Variants in CLYBL observed in about 807,000 individuals in gnomAD.
The protein encoded by CLYBL is citramalyl-CoA lyase, mitochondrial.
In CLYBL, 31 loss-of-function variants were observed where a neutral mutation model predicts 38.9. That is an observed-to-expected ratio of 0.80 (90% CI 0.60 to 1.08). The LOEUF (loss-of-function observed/expected upper bound fraction) is 1.08, where lower values mean the gene tolerates loss of function less well. Ranked by LOEUF, CLYBL falls within the 50% of genes least tolerant of loss-of-function variation. The probability of loss-of-function intolerance (pLI) is 0.00; values close to 1 mark genes in which losing one functional copy is unlikely to be tolerated. For synonymous variants in CLYBL, 171 were observed against 158.6 expected (o/e 1.08, Z -0.59); for missense variants, 434 against 411.6 (o/e 1.05, Z -0.47).
intron 7 of CLYBL, 74 bp from the exon 8 acceptor site, chr13:99,891,244 G>T: frequency 9.2e-7 from 1 of 1,084,918 alleles, no homozygotes; most frequent in Non-Finnish European, 1.4e-6. Context: ...TGTTCTTGTT[G>T]CACAAGTGTG....
At chr13:99,826,507 AC>A (rs2139054645) in intron 2 of CLYBL, among the ~76,000 whole-genome samples, 1 of 152,248 alleles carries the variant, frequency 6.6e-6, no homozygotes, top group East Asian at 1.9e-4. Flanking sequence ...TCCAGAGATT[AC>A]CTTTTTCTTT....
chr13:99,741,324 C>A (rs559510111), intron 1 of CLYBL, among the ~76,000 whole-genome samples: 1 of 152,288 alleles, frequency 6.6e-6, no homozygotes, highest in South Asian at 2.1e-4. Context: ...AGAAGGCACT[C>A]CTCTGTCACC....
intron 1 of CLYBL, among the ~76,000 whole-genome samples, chr13:99,658,989 A>G (rs1234215513): frequency 6.6e-6 from 1 of 152,218 alleles, no homozygotes; most frequent in African/African-American, 2.4e-5. Flanking sequence ...TACATAATTA[A>G]AAGAGATTTT....
In CLYBL at chr13:99,721,301, C is replaced by T. The variant is rs145377390; in HGVS notation, c.63-51523C>T. Among the ~76,000 whole-genome samples the T allele has an allele frequency of 3.4e-3, 512 of 152,156 alleles. 4 individuals carry two copies. Among genetic ancestry groups the T allele is most frequent in the Middle Eastern group, 0.031 (9 of 294 alleles). On this transcript the variant is annotated intron_variant, in intron 1 of 8. Transcript: ENST00000339105. ...GCAAGTGATCCACCCGCCTCAGCCT[C>T]CCAAAGTGCTGGGATTACAGGTGTG...
At chr13:99,827,518 G>A (rs1780582937) in intron 2 of CLYBL, among the ~76,000 whole-genome samples, 1 of 152,108 alleles carries the variant, frequency 6.6e-6, no homozygotes, top group Admixed American at 6.6e-5. Context: ...GAAAGAAACT[G>A]GACAGGACCT....
intron 1 of CLYBL, among the ~76,000 whole-genome samples, chr13:99,697,831 A>G (rs1458903805): frequency 1.3e-5 from 2 of 151,618 alleles, no homozygotes; most frequent in Non-Finnish European, 2.9e-5. Flanking sequence ...ATTTTTTGGT[A>G]GAGATGGGGT....
intron 1 of CLYBL, among the ~76,000 whole-genome samples, chr13:99,617,352 ACAT>A (rs1421438259): frequency 1.3e-5 from 2 of 152,132 alleles, no homozygotes; most frequent in Non-Finnish European, 2.9e-5. Flanking sequence ...GTCATTAAAA[ACAT>A]CATTGCACAC....
intron 6 of CLYBL, among the ~76,000 whole-genome samples, chr13:99,870,296 A>G (rs2051850784): frequency 6.6e-6 from 1 of 152,144 alleles, no homozygotes. Flanking sequence ...CTTCTATTTT[A>G]CCATACTGAA....
chr13:99,813,027 A>G (rs1456573019), intron 2 of CLYBL, among the ~76,000 whole-genome samples: 1 of 152,238 alleles, frequency 6.6e-6, no homozygotes, highest in Non-Finnish European at 1.5e-5. Context: ...ACATCCTGCT[A>G]GGAGAATGAA....
chr13:99,846,286 ATTTTTTT>A (rs5806139), intron 2 of CLYBL, among the ~76,000 whole-genome samples: 1,996 of 108,162 alleles, frequency 0.018, 49 homozygotes, highest in African/African-American at 0.061. Flanking sequence ...TTGTGTGGAG[ATTTTTTT>A]TTTTTTTTTT....
chr13:99,632,985 A>G (rs1411688690), intron 1 of CLYBL, among the ~76,000 whole-genome samples: 1 of 124,462 alleles, frequency 8.0e-6, no homozygotes, highest in African/African-American at 2.8e-5. Flanking sequence ...TCACACCTGT[A>G]ATCCCAACAC....
intron 2 of CLYBL, among the ~76,000 whole-genome samples, chr13:99,811,154 A>G (rs1006278799): frequency 5.3e-5 from 8 of 152,214 alleles, no homozygotes; most frequent in Admixed American, 2.6e-4. Context: ...GGTTACGTTT[A>G]TAGGACTCCC....
At chr13:99,811,144 G>A (rs1046854840) in intron 2 of CLYBL, among the ~76,000 whole-genome samples, 1 of 152,164 alleles carries the variant, frequency 6.6e-6, no homozygotes, top group Non-Finnish European at 1.5e-5. Context: ...AGCCAAGCAA[G>A]GTTACGTTTA....
At position 99,749,188 on chromosome 13, in the gene CLYBL, A is replaced by G. The variant is rs541803212; in HGVS notation, c.63-23636A>G. ...AAGCGAGACTCTGTCTCAAAAAAAA[A>G]AAAAGAAAAGAAAAGAAAAAAGACT... On this transcript the variant is annotated intron_variant, in intron 1 of 8. Coordinates refer to ENST00000339105, the MANE Select transcript of CLYBL (RefSeq NM_206808.5). Among the ~76,000 whole-genome samples the G allele has an allele frequency of 1.8e-4, 28 of 152,216 alleles. No individual in the cohort carries two copies. The Middle Eastern group carries it at 0.01, about 55-fold the overall frequency.
At chr13:99,798,174 C>T (rs1025815914) in intron 2 of CLYBL, among the ~76,000 whole-genome samples, 4 of 152,174 alleles carry the variant, frequency 2.6e-5, no homozygotes, top group Admixed American at 2.6e-4. Flanking sequence ...AGGGAAGAGG[C>T]AGGAGAAGAA....
chr13:99,798,439 T>G (rs878418), intron 2 of CLYBL, among the ~76,000 whole-genome samples: 60,181 of 152,050 alleles, frequency 0.4, 12,348 homozygotes, highest in Middle Eastern at 0.45. Flanking sequence ...TCAAGTTTGG[T>G]GAGTGTTCTG....
chr13:99,653,526 A>G (rs1325218579), intron 1 of CLYBL, among the ~76,000 whole-genome samples: 1 of 152,200 alleles, frequency 6.6e-6, no homozygotes, highest in Non-Finnish European at 1.5e-5. Context: ...CAGCCTTATG[A>G]TGATCCAAAG....
chr13:99,702,632 C>CA (rs60185334), intron 1 of CLYBL, among the ~76,000 whole-genome samples: 5,317 of 67,924 alleles, frequency 0.078, 299 homozygotes, highest in African/African-American at 0.21. Flanking sequence ...AATTCCGTCT[C>CA]AAAAAAAAAA....
rs1052329337 is a variant in CLYBL, at chr13:99,801,102, A to C, written c.249+28092A>C. On this transcript the variant is annotated intron_variant, in intron 2 of 8. Transcript: ENST00000339105. ...CTTAAATAACATCACCGTCGCCCTT[A>C]GTATAGGCCTTGAGCTGCTCTTGGC... Among the ~76,000 whole-genome samples the C allele has an allele frequency of 2.6e-5, 4 of 152,270 alleles. No individual in the cohort carries two copies. The South Asian group carries it at 6.2e-4, about 24-fold the overall frequency.
Sources: gnomAD v4.1 joint callset for allele counts (sites outside exome capture counted in the v4.1 genomes callset) on GRCh38, gnomAD v4.1.1 for gene constraint, MANE v1.5 for transcripts, NCBI Gene and HGNC (gene_info 2026-07-23, HGNC 2026-07-21) for gene names.